Variants in KSR2 observed in about 807,000 individuals in gnomAD.
KSR2 encodes kinase suppressor of ras 2.
Under a neutral mutation model 107.8 loss-of-function variants are expected in KSR2, and 25 were observed. The observed-to-expected ratio is 0.23, with a 90% CI of 0.17 to 0.32. The LOEUF is 0.32. KSR2 is among the 10% of genes least tolerant of loss of function. The pLI is 1.00. For missense variants in KSR2, 887 were observed against 1,268.9 expected (o/e 0.70, Z 4.57); for synonymous variants, 480 against 507.0 (o/e 0.95, Z 0.71).
intron 1 of KSR2, among the ~76,000 whole-genome samples, chr12:117,917,138 C>T (rs769398808): frequency 1.3e-5 from 2 of 152,156 alleles, no homozygotes; most frequent in Non-Finnish European, 2.9e-5. Context: ...CAGATGTTGC[C>T]AAATGTCCCC....
Position 117,776,112 on chromosome 12 carries a change from A to T in KSR2, c.473-14588T>A, listed in dbSNP as rs534130587. 9.9e-5 allele frequency among the ~76,000 whole-genome samples: 15 copies of T among 152,256 alleles called. No homozygotes were observed. In the East Asian group the frequency reaches 1.4e-3, roughly 14 times the overall value. On this transcript the variant is annotated intron_variant, in intron 3 of 19. Coordinates refer to ENST00000339824, the MANE Select transcript of KSR2 (RefSeq NM_173598.6). ...AAATTAATTAATTAATTAAATTTTT[A>T]AAAAAGATCCACCCATCTAGAAAGT...
chr12:117,813,808 A>C (rs1362572625), intron 3 of KSR2, among the ~76,000 whole-genome samples: 2 of 152,228 alleles, frequency 1.3e-5, no homozygotes, highest in Non-Finnish European at 2.9e-5. Flanking sequence ...AGCTTATCAA[A>C]GAGATGGCTA....
intron 9 of KSR2, among the ~76,000 whole-genome samples, chr12:117,543,605 T>C (rs1179059376): frequency 6.6e-6 from 1 of 152,244 alleles, no homozygotes; most frequent in Non-Finnish European, 1.5e-5. Context: ...TTGTTATAAA[T>C]TGTGTTAAAC....
rs971298489 is a variant in KSR2 at position 117,453,398 on chromosome 12, A to G, written c.*13801T>C. The stretch of plus-strand genomic sequence containing the variant: ...AAGGAAAAGAAAGAAGTGGCCCCCC[A>G]AAAGAAAACATGAAACCACCTTCTT... On this transcript the variant is annotated 3_prime_UTR_variant, in exon 20 of 20. Transcript: ENST00000339824. 1 of 152,586 alleles carries G rather than the reference A, an allele frequency of 6.6e-6. No homozygotes were observed. Among genetic ancestry groups the G allele is most frequent in the African/African-American group, 2.4e-5 (1 of 41,434 alleles). 9.5% of individuals were successfully genotyped at this position (152,586 alleles called of 1,614,324 possible). A position where few individuals can be genotyped will look rare whatever the true frequency, so the allele number is the denominator to read the frequency against.
At chr12:117,604,399 T>C (rs1294149404) in intron 5 of KSR2, among the ~76,000 whole-genome samples, 2 of 152,222 alleles carry the variant, frequency 1.3e-5, no homozygotes, top group Non-Finnish European at 2.9e-5. Context: ...TGTTTTCAAT[T>C]CGTTTGGGTA....
At chr12:117,891,675 C>T (rs1894346334) in intron 1 of KSR2, among the ~76,000 whole-genome samples, 1 of 151,696 alleles carries the variant, frequency 6.6e-6, no homozygotes, top group Non-Finnish European at 1.5e-5. Context: ...TGAAAACCAA[C>T]CAACCAAACA....
rs548619184 is a variant in KSR2, at chr12:117,508,438, C to A, written c.2219+16414G>T. On this transcript the variant is annotated intron_variant, in intron 14 of 19. Coordinates refer to ENST00000339824, the MANE Select transcript of KSR2 (RefSeq NM_173598.6). ...AACTATTTGCTGAACAGCTAGGTGG[C>A]TAGAGTAATGATGGGTGAGTGGATG... 5.3e-5 allele frequency among the ~76,000 whole-genome samples: 8 copies of A among 152,230 alleles called. No homozygotes were observed. In the South Asian group the frequency reaches 1.7e-3, roughly 32 times the overall value.
intron 5 of KSR2, among the ~76,000 whole-genome samples, chr12:117,656,376 G>A (rs761665047): frequency 4.6e-5 from 7 of 152,304 alleles, no homozygotes; most frequent in Middle Eastern, 3.4e-3. Context: ...TTGGGAGGCC[G>A]AGGTGGGTGG....
At chr12:117,768,092 A>G (rs1203083584) in intron 3 of KSR2, among the ~76,000 whole-genome samples, 1 of 152,174 alleles carries the variant, frequency 6.6e-6, no homozygotes, top group Non-Finnish European at 1.5e-5. Flanking sequence ...GAGGAGCTGA[A>G]ACTCCCCTAA....
chr12:117,968,029 CTTT>C (rs34834989), intron 1 of KSR2, 44 bp downstream of exon 1: 56,424 of 652,660 alleles, frequency 0.086, 3,326 homozygotes, highest in African/African-American at 0.27. Flanking sequence ...AGAAGGATTG[CTTT>C]TTTTTTTTTT....
At chr12:117,963,036 A>T (rs373368954) in intron 1 of KSR2, among the ~76,000 whole-genome samples, 4 of 151,872 alleles carry the variant, frequency 2.6e-5, no homozygotes, top group East Asian at 2.0e-4. Context: ...CTAAAAATAC[A>T]AAAATTAGCC....
chr12:117,643,318 G>T (rs1819601968), intron 5 of KSR2, among the ~76,000 whole-genome samples: 1 of 152,112 alleles, frequency 6.6e-6, no homozygotes. Flanking sequence ...ATGGTGGCGG[G>T]TGCCTGTAGT....
intron 1 of KSR2, among the ~76,000 whole-genome samples, chr12:117,884,247 C>T (rs1314091204): frequency 6.6e-6 from 1 of 152,150 alleles, no homozygotes; most frequent in East Asian, 1.9e-4. Context: ...CTGCAGATTA[C>T]ATCTCGGCAC....
At position 117,465,874 on chromosome 12, in the gene KSR2, C is replaced by T. The variant is rs886912107; in HGVS notation, c.*1325G>A. On this transcript the variant is annotated 3_prime_UTR_variant, in exon 20 of 20. Transcript: ENST00000339824. Reference sequence around the variant, plus strand: ...GCAAATGACCCAGAGGTTCTCCTCTCCCATCTGCATGCCCAGCCTGCTCTC... The same window carrying T: ...GCAAATGACCCAGAGGTTCTCCTCTTCCATCTGCATGCCCAGCCTGCTCTC... The T allele has an allele frequency of 6.6e-6, 1 of 152,204 alleles. No individual in the cohort carries two copies. Among genetic ancestry groups the T allele is most frequent in the Non-Finnish European group, 1.5e-5 (1 of 68,102 alleles). 9.4% of individuals were successfully genotyped at this position (152,204 alleles called of 1,614,324 possible).
In KSR2 at chr12:117,458,256, A is replaced by G. The variant is rs1194622566; in HGVS notation, c.*8943T>C. The G allele has an allele frequency of 6.6e-6, 1 of 152,274 alleles. No homozygotes were observed. The highest frequency in any genetic ancestry group is 2.4e-5 in the African/African-American group (1 of 41,558). The allele number at this position is 152,274 out of a possible 1,614,324, so 9.4% of individuals were successfully genotyped here. A position where few individuals can be genotyped will look rare whatever the true frequency, so the allele number is the denominator to read the frequency against. On this transcript the variant is annotated 3_prime_UTR_variant, in exon 20 of 20. Transcript: ENST00000339824. The stretch of plus-strand genomic sequence containing the variant: ...CAAAGACCTCTCTTCTACCTTGTTC[A>G]TCCTGTCGCCCACCACTCAGAAAAG...
chr12:117,556,417 T>C (rs770385959), intron 8 of KSR2, among the ~76,000 whole-genome samples: 9 of 152,182 alleles, frequency 5.9e-5, no homozygotes, highest in South Asian at 2.1e-4. Flanking sequence ...GATAGCCTCA[T>C]TGAGTGTATA....
intron 4 of KSR2, among the ~76,000 whole-genome samples, chr12:117,721,146 A>C (rs7980128): frequency 6.6e-6 from 1 of 152,032 alleles, no homozygotes; most frequent in Non-Finnish European, 1.5e-5. Context: ...TTATGCACCA[A>C]GATGCCCTCA....
At chr12:117,644,137 C>T (rs77114363) in intron 5 of KSR2, among the ~76,000 whole-genome samples, 10,687 of 152,216 alleles carry the variant, frequency 0.07, 495 homozygotes, top group Admixed American at 0.12. Context: ...TGAGCAGCTG[C>T]CTTGGTGCCA....
chr12:117,823,469 C>T (rs1891635836), intron 3 of KSR2, among the ~76,000 whole-genome samples: 7 of 152,130 alleles, frequency 4.6e-5, no homozygotes, highest in Admixed American at 4.6e-4. Context: ...GGGCTGGAAT[C>T]AGGAGGCTCC....
Sources: gnomAD v4.1 joint callset for allele counts (sites outside exome capture counted in the v4.1 genomes callset) on GRCh38, gnomAD v4.1.1 for gene constraint, MANE v1.5 for transcripts, NCBI Gene and HGNC (gene_info 2026-07-23, HGNC 2026-07-21) for gene names.